ZNF782: variants seen among roughly 807,000 people sequenced by gnomAD.
The protein encoded by ZNF782 is zinc finger protein 782.
ZNF782 carries 12 observed loss-of-function variants against 13.0 expected under a neutral mutation model. That is an observed-to-expected ratio of 0.92 (90% CI 0.59 to 1.50). The LOEUF (loss-of-function observed/expected upper bound fraction) is 1.50. Ranked by LOEUF, ZNF782 falls within the 40% of genes most tolerant of loss-of-function variation. ZNF782 has a pLI of 0.00. For synonymous variants in ZNF782, 284 were observed against 283.0 expected, an observed-to-expected ratio of 1.00 and a Z score of -0.04; for missense variants, 770 against 822.9, an observed-to-expected ratio of 0.94 and a Z score of 0.79.
the ZNF782 span, among the ~76,000 whole-genome samples, chr9:96,903,478 TACAA>T: frequency 3.3e-5 from 5 of 150,946 alleles, no homozygotes. Context: ...TTGGGGGTAT[TACAA>T]ACAAAGCTTT....
At chr9:96,930,859 T>A in the ZNF782 span, among the ~76,000 whole-genome samples, 1 of 144,760 alleles carries the variant, frequency 6.9e-6, no homozygotes, top group Admixed American at 7.2e-5. Context: ...CTTGGGCGAG[T>A]TTCCATCCAG....
At chr9:96,908,390 A>G in the ZNF782 span, among the ~76,000 whole-genome samples, 1 of 152,300 alleles carries the variant, frequency 6.6e-6, no homozygotes, top group Non-Finnish European at 1.5e-5. Context: ...AATTTTTGAC[A>G]AAGGAATGAA....
Position 96,817,811 on chromosome 9 carries a change from G to T in ZNF782, c.*112C>A. On this transcript the variant is annotated 3_prime_UTR_variant, in exon 6 of 6. Coordinates refer to ENST00000481138, the MANE Select transcript of ZNF782 (RefSeq NM_001001662.3). ...ATATTTGGTGGAGGCTGAAATTGTA[G>T]AGGAAATTCCAGTGCTCACTATGTT... 1 of 915,116 alleles carries T rather than the reference G, an allele frequency of 1.1e-6. No homozygotes were observed. Among genetic ancestry groups the T allele is most frequent in the Non-Finnish European group, 1.6e-6 (1 of 632,576 alleles). The allele number at this position is 915,116 out of a possible 1,614,324, so 56.7% of individuals were successfully genotyped here.
At chr9:96,824,826 T>C (rs1473168266) in intron 5 of ZNF782, among the ~76,000 whole-genome samples, 2 of 148,476 alleles carry the variant, frequency 1.3e-5, no homozygotes, top group Non-Finnish European at 3.0e-5. Flanking sequence ...GAGAATAAAA[T>C]ACCTAGGAAT....
At chr9:96,819,866 G>A in intron 5 of ZNF782, 88 bp from the exon 6 acceptor site, 1 of 1,034,606 alleles carries the variant, frequency 9.7e-7, no homozygotes, top group South Asian at 2.8e-5. Flanking sequence ...GCCCTATTAT[G>A]TATTTGATTC....
chr9:96,847,328 G>A (rs1199506975), intron 3 of ZNF782, among the ~76,000 whole-genome samples: 1 of 151,934 alleles, frequency 6.6e-6, no homozygotes, highest in Non-Finnish European at 1.5e-5. Flanking sequence ...AAAGATCAAA[G>A]TAGAACTAAA....
chr9:96,864,816 G>A lies in ZNF782; in HGVS notation c.-456-3213C>T, dbSNP rs1042091706. Among the ~76,000 whole-genome samples, 11 of 147,194 alleles carry A rather than the reference G, an allele frequency of 7.5e-5. No individual in the cohort carries two copies. In the East Asian group the frequency reaches 2.2e-3, roughly 30 times the overall value. On this transcript the variant is annotated intron_variant, in intron 1 of 5. Coordinates refer to the ZNF782 transcript ENST00000498811. ...GGAGGCCAAGGTGGGAGTATCACTT[G>A]ATCACAGGAGTTTAAGGCCAGCCTG...
chr9:96,929,243 T>G, the ZNF782 span, among the ~76,000 whole-genome samples: 1 of 152,126 alleles, frequency 6.6e-6, no homozygotes. Flanking sequence ...CGGACCAAGA[T>G]GCCTGGGGGA....
intron 1 of ZNF782, among the ~76,000 whole-genome samples, chr9:96,872,310 T>A (rs113750322): frequency 0.064 from 9,798 of 152,136 alleles, 1,042 homozygotes; most frequent in African/African-American, 0.22. Flanking sequence ...AGGCAGGTAG[T>A]TCAGAAGGTC....
chr9:96,868,213 C>G (rs1851782387), intron 1 of ZNF782, among the ~76,000 whole-genome samples: 1 of 152,206 alleles, frequency 6.6e-6, no homozygotes, highest in Non-Finnish European at 1.5e-5. Context: ...TTTAGGAATA[C>G]TGATAGGATT....
At chr9:96,906,383 G>A in the ZNF782 span, among the ~76,000 whole-genome samples, 1 of 148,878 alleles carries the variant, frequency 6.7e-6, no homozygotes, top group Non-Finnish European at 1.5e-5. Flanking sequence ...GATCCCACAG[G>A]TTGAGTGCTC....
chr9:96,899,424 T>C, the ZNF782 span, among the ~76,000 whole-genome samples: 1 of 152,194 alleles, frequency 6.6e-6, no homozygotes, highest in Admixed American at 6.5e-5. Flanking sequence ...CTTTTTGTTG[T>C]TTAGTTGTAA....
the ZNF782 span, among the ~76,000 whole-genome samples, chr9:96,902,725 AATTTT>A: frequency 2.1e-5 from 3 of 144,690 alleles, no homozygotes; most frequent in Non-Finnish European, 4.5e-5. Context: ...TATATATTTT[AATTTT>A]AAGTTAGCCT....
the ZNF782 span, among the ~76,000 whole-genome samples, chr9:96,881,989 G>GAAAA: frequency 3.5e-4 from 2 of 5,678 alleles, no homozygotes; most frequent in Admixed American, 2.3e-3. Flanking sequence ...GGAAGTATGA[G>GAAAA]TGTGTGTGTG....
chr9:96,915,208 A>G, the ZNF782 span, among the ~76,000 whole-genome samples: 13 of 152,240 alleles, frequency 8.5e-5, no homozygotes, highest in East Asian at 2.5e-3. Context: ...AAGTAGAATC[A>G]TAAGAACAGT....
chr9:96,892,527 C>G, the ZNF782 span: 1 of 152,238 alleles, frequency 6.6e-6, no homozygotes, highest in Non-Finnish European at 1.5e-5. Flanking sequence ...GTGTGATGGA[C>G]CGGCTGAGCA....
At chr9:96,891,334 A>T in the ZNF782 span, 1 of 152,338 alleles carries the variant, frequency 6.6e-6, no homozygotes, top group South Asian at 2.1e-4. Flanking sequence ...AGACACCAGT[A>T]CTTCCTCTTA....
the ZNF782 span, among the ~76,000 whole-genome samples, chr9:96,885,873 A>T: frequency 6.6e-6 from 1 of 151,394 alleles, no homozygotes; most frequent in Non-Finnish European, 1.5e-5. Flanking sequence ...ACAGAGACAG[A>T]GTCTCACTCT....
intron 4 of ZNF782, among the ~76,000 whole-genome samples, chr9:96,839,205 C>T (rs1164993750): frequency 6.7e-6 from 1 of 148,836 alleles, no homozygotes; most frequent in African/African-American, 2.5e-5. Context: ...GGGCAGTTGT[C>T]TAAAATTTTC....
Sources: allele counts gnomAD v4.1 joint callset (sites outside exome capture counted in the v4.1 genomes callset), GRCh38; gene constraint gnomAD v4.1.1; transcripts MANE v1.5; gene names NCBI Gene and HGNC (gene_info 2026-07-23, HGNC 2026-07-21).